The following GPHN variants were observed in gnomAD, a reference collection of about 807,000 sequenced individuals.
GPHN encodes gephyrin.
GPHN carries 17 observed loss-of-function variants against 95.5 expected under a neutral mutation model. The observed-to-expected ratio is 0.18, with a 90% CI of 0.12 to 0.27. The LOEUF (loss-of-function observed/expected upper bound fraction) is 0.27. Ranked by LOEUF, GPHN falls within the 10% of genes least tolerant of loss-of-function variation. The probability of loss-of-function intolerance (pLI) is 1.00; values close to 1 mark genes in which losing one functional copy is unlikely to be tolerated. For synonymous variants in GPHN, 320 were observed against 322.5 expected (o/e 0.99, Z 0.08); for missense variants, 660 against 978.1 (o/e 0.67, Z 4.34).
chr14:67,290,281 T>A, the GPHN span, among the ~76,000 whole-genome samples: 3 of 152,248 alleles, frequency 2.0e-5, no homozygotes, highest in African/African-American at 7.2e-5. Flanking sequence ...GATCAGGTAC[T>A]TGTCATATTA....
intron 1 of GPHN, among the ~76,000 whole-genome samples, chr14:66,578,726 T>G (rs1422857051): frequency 9.5e-6 from 1 of 104,724 alleles, no homozygotes; most frequent in African/African-American, 3.8e-5. Context: ...CCAGGAACCA[T>G]AAAGTTGTCC....
chr14:67,413,220 A>G, the GPHN span, among the ~76,000 whole-genome samples: 1 of 152,254 alleles, frequency 6.6e-6, no homozygotes, highest in South Asian at 2.1e-4. Context: ...GTCAAATAGT[A>G]CTGATTCTGT....
chr14:66,790,920 C>T (rs2153471413), intron 3 of GPHN, among the ~76,000 whole-genome samples: 1 of 152,362 alleles, frequency 6.6e-6, no homozygotes, highest in East Asian at 1.9e-4. Flanking sequence ...CAACAGCCAT[C>T]AGCAAAGATT....
chr14:66,721,536 C>A (rs1299381180), intron 2 of GPHN, among the ~76,000 whole-genome samples: 1 of 152,118 alleles, frequency 6.6e-6, no homozygotes, highest in African/African-American at 2.4e-5. Flanking sequence ...TGTAATTTAA[C>A]AAATCAAACT....
rs145163959 is a variant in GPHN, at chr14:67,094,832, C to T, written c.1237+5757C>T. Among the ~76,000 whole-genome samples, 51 of 152,332 alleles carry T rather than the reference C, an allele frequency of 3.3e-4. No homozygotes were observed. The East Asian group carries it at 5.2e-3, about 16-fold the overall frequency. The stretch of plus-strand genomic sequence containing the variant: ...CATTGTAAGGTCACATAGTGCAACA[C>T]ATTACCTTTCCTATGGTTAGATATG... On this transcript the variant is annotated intron_variant, in intron 12 of 22. Coordinates refer to ENST00000478722, the MANE Select transcript of GPHN (RefSeq NM_020806.5).
chr14:67,141,959 T>A (rs890369581), intron 17 of GPHN, among the ~76,000 whole-genome samples: 50 of 152,220 alleles, frequency 3.3e-4, no homozygotes, highest in African/African-American at 1.2e-3. Flanking sequence ...GAGAGATCAT[T>A]TGTTTTCAAG....
At chr14:67,274,934 G>A in the GPHN span, among the ~76,000 whole-genome samples, 1 of 152,080 alleles carries the variant, frequency 6.6e-6, no homozygotes, top group Non-Finnish European at 1.5e-5. Context: ...GTCTGTTATT[G>A]GTGTATAAGA....
chr14:67,210,910 G>A, the GPHN span, among the ~76,000 whole-genome samples: 1 of 152,090 alleles, frequency 6.6e-6, no homozygotes, highest in Non-Finnish European at 1.5e-5. Flanking sequence ...AGGCTAAGGT[G>A]GATCACCTGA....
chr14:66,832,405 C>A (rs1375553501), intron 4 of GPHN, among the ~76,000 whole-genome samples: 4 of 152,140 alleles, frequency 2.6e-5, no homozygotes, highest in African/African-American at 9.7e-5. Flanking sequence ...GCTCCAAATA[C>A]TTTTGCTACT....
the GPHN span, among the ~76,000 whole-genome samples, chr14:67,517,317 GA>G: frequency 6.6e-6 from 1 of 152,228 alleles, no homozygotes; most frequent in African/African-American, 2.4e-5. Context: ...TTGCGCAGAG[GA>G]AAGCACAATG....
the GPHN span, chr14:67,573,814 G>A: frequency 1.4e-5 from 22 of 1,612,388 alleles, no homozygotes; most frequent in African/African-American, 1.2e-4. This position sits in a 1 kb window ranked among gnomAD's most constrained non-coding sequence, Gnocchi z 4.8. Flanking sequence ...GATGTCATCC[G>A]GAAACCTCAA....
At chr14:66,607,458 T>C (rs951370843) in intron 1 of GPHN, among the ~76,000 whole-genome samples, 1 of 151,978 alleles carries the variant, frequency 6.6e-6, no homozygotes, top group African/African-American at 2.4e-5. Flanking sequence ...TGAAGTTTTC[T>C]TTTTTGTTGT....
Position 66,897,104 on chromosome 14 carries a change from G to C in GPHN, c.389+17071G>C, listed in dbSNP as rs117536198. On this transcript the variant is annotated intron_variant, in intron 5 of 22. Transcript: ENST00000478722. ...TAGATTGGCATGCAGTATAAGGAAT[G>C]ATCCAGAGAAGTCCTGTGTACCCTT... Among the ~76,000 whole-genome samples the C allele has an allele frequency of 2.7e-4, 41 of 152,250 alleles. No homozygotes were observed. In the East Asian group the frequency reaches 7.7e-3, roughly 29 times the overall value.
chr14:66,782,814 C>CA (rs533285972), intron 3 of GPHN, among the ~76,000 whole-genome samples: 74 of 152,092 alleles, frequency 4.9e-4, no homozygotes, highest in African/African-American at 1.7e-3. Flanking sequence ...CCCTGGATGA[C>CA]AGAGCGAGAC....
intron 8 of GPHN, among the ~76,000 whole-genome samples, chr14:66,928,612 GTTGT>G (rs1186538847): frequency 6.6e-6 from 1 of 151,952 alleles, no homozygotes; most frequent in Non-Finnish European, 1.5e-5. Flanking sequence ...GTGTCATTAG[GTTGT>G]TTATTTGTAG....
rs557375039 is a variant in GPHN at position 66,962,351 on chromosome 14, G to A, written c.829-2840G>A. The stretch of plus-strand genomic sequence containing the variant: ...AGGCAGTTTTTGTTTTTTTTTTTAA[G>A]ATTGGGGCAAAGATTTGTTCTAGAC... On this transcript the variant is annotated intron_variant, in intron 8 of 22. Transcript: ENST00000478722. Among the ~76,000 whole-genome samples the A allele has an allele frequency of 3.6e-3, 526 of 146,342 alleles. 2 individuals are homozygous for A. The highest frequency in any genetic ancestry group is 5.8e-3 in the Non-Finnish European group (379 of 65,486).
At chr14:67,412,110 G>C in the GPHN span, 2 of 1,452,338 alleles carry the variant, frequency 1.4e-6, no homozygotes, top group African/African-American at 1.5e-5. Flanking sequence ...CCCGCGCCTC[G>C]CGCTCCTCGG....
At chr14:67,660,952 A>G in the GPHN span, among the ~76,000 whole-genome samples, 5 of 152,230 alleles carry the variant, frequency 3.3e-5, no homozygotes, top group Admixed American at 2.6e-4. Flanking sequence ...TACTCCCATT[A>G]GGAAGAAGAT....
the GPHN span, among the ~76,000 whole-genome samples, chr14:67,468,225 C>T: frequency 7.9e-5 from 12 of 152,248 alleles, no homozygotes; most frequent in East Asian, 2.3e-3. Flanking sequence ...CCACCCGCCT[C>T]GGGCTCCCAG....
Sources: gnomAD v4.1 joint callset for allele counts (sites outside exome capture counted in the v4.1 genomes callset) on GRCh38, gnomAD v4.1.1 for gene constraint, Gnocchi (gnomAD v3.1) non-coding constraint, MANE v1.5 for transcripts, NCBI Gene and HGNC (gene_info 2026-07-23, HGNC 2026-07-21) for gene names.